PIEZO2: variants seen among roughly 807,000 people sequenced by gnomAD.
The protein encoded by PIEZO2 is piezo type mechanosensitive ion channel component 2, also known as piezo-type mechanosensitive ion channel component 2.
Under a neutral mutation model 337.3 loss-of-function variants are expected in PIEZO2, and 172 were observed. The observed-to-expected ratio is 0.51, with a 90% CI of 0.45 to 0.58. The LOEUF is 0.58. Ranked by LOEUF, PIEZO2 falls within the 20% of genes least tolerant of loss-of-function variation. PIEZO2 has a pLI of 0.00. For synonymous variants in PIEZO2, 1,251 were observed against 1,228.5 expected (o/e 1.02, Z -0.38); for missense variants, 3,028 against 3,391.3 (o/e 0.89, Z 2.66).
At chr18:10,869,521 A>G (rs2144777723) in intron 5 of PIEZO2, among the ~76,000 whole-genome samples, 1 of 152,310 alleles carries the variant, frequency 6.6e-6, no homozygotes, top group Admixed American at 6.5e-5. Context: ...AATAACAAAT[A>G]CCCAGTCTGA....
chr18:10,857,694 C>T (rs1299253962), intron 5 of PIEZO2, among the ~76,000 whole-genome samples: 1 of 152,132 alleles, frequency 6.6e-6, no homozygotes, highest in Non-Finnish European at 1.5e-5. Flanking sequence ...TATTTCCTGA[C>T]TGTGGAAGGA....
chr18:10,995,708 G>A (rs1182969764), intron 2 of PIEZO2, among the ~76,000 whole-genome samples: 3 of 152,166 alleles, frequency 2.0e-5, no homozygotes, highest in South Asian at 4.1e-4. Flanking sequence ...GCTGTACCAC[G>A]AAAAACCACA....
intron 3 of PIEZO2, among the ~76,000 whole-genome samples, chr18:10,958,200 T>C (rs2033622270): frequency 6.6e-6 from 1 of 152,108 alleles, no homozygotes; most frequent in African/African-American, 2.4e-5. Flanking sequence ...ATACAGTCTT[T>C]AAAAAGAGAA....
Position 10,718,182 on chromosome 18 carries a change from T to G in PIEZO2, c.5089+18A>C. The G allele has an allele frequency of 6.5e-7, 1 of 1,530,808 alleles. No individual in the cohort carries two copies. The highest frequency in any genetic ancestry group is 8.8e-7 in the Non-Finnish European group (1 of 1,141,036). The allele number at this position is 1,530,808 out of a possible 1,614,324, so 94.8% of individuals were successfully genotyped here. ...TTTTCAAAGTTCCCACAGCTCATATTTGTCTTTATTTTGTTACCTGGTCCA... is the reference window on the plus strand; with the variant it reads ...TTTTCAAAGTTCCCACAGCTCATATGTGTCTTTATTTTGTTACCTGGTCCA... On this transcript the variant is annotated intron_variant, in intron 37 of 55. Transcript: ENST00000674853.
chr18:10,776,644 T>C (rs2038798251), intron 18 of PIEZO2, among the ~76,000 whole-genome samples: 1 of 152,248 alleles, frequency 6.6e-6, no homozygotes, highest in Non-Finnish European at 1.5e-5. Context: ...TTCTGTTTAC[T>C]GGGCTTTCTG....
At chr18:11,140,854 T>C (rs1488805739) in intron 1 of PIEZO2, among the ~76,000 whole-genome samples, 4 of 152,198 alleles carry the variant, frequency 2.6e-5, no homozygotes, top group African/African-American at 9.6e-5. Flanking sequence ...GCTAACTGGA[T>C]GTGAGCAGAA....
intron 5 of PIEZO2, among the ~76,000 whole-genome samples, chr18:10,869,682 C>T (rs1385477932): frequency 6.6e-6 from 1 of 152,108 alleles, no homozygotes; most frequent in Non-Finnish European, 1.5e-5. Flanking sequence ...GAAGAAGAAG[C>T]ACTCTTCCGT....
intron 2 of PIEZO2, among the ~76,000 whole-genome samples, chr18:10,992,561 G>T (rs927976572): frequency 6.6e-6 from 1 of 152,106 alleles, no homozygotes; most frequent in Non-Finnish European, 1.5e-5. Flanking sequence ...GATTTCTGAG[G>T]CCTCTGTCCT....
At chr18:11,044,774 G>C (rs1012213464) in intron 2 of PIEZO2, among the ~76,000 whole-genome samples, 9 of 152,166 alleles carry the variant, frequency 5.9e-5, no homozygotes, top group African/African-American at 2.2e-4. Context: ...GAAATACAAG[G>C]TTAGGTTCCT....
intron 1 of PIEZO2, among the ~76,000 whole-genome samples, chr18:11,086,493 T>TGC (rs2038919171): frequency 6.9e-6 from 1 of 145,804 alleles, no homozygotes; most frequent in African/African-American, 2.6e-5. Flanking sequence ...CACTCCAGCC[T>TGC]GGGCAACAGA....
chr18:10,790,542 T>A (rs1381702287), intron 14 of PIEZO2, among the ~76,000 whole-genome samples: 1 of 152,188 alleles, frequency 6.6e-6, no homozygotes, highest in Non-Finnish European at 1.5e-5. Flanking sequence ...CATTGTGGTA[T>A]ACTATTGTTA....
At position 11,080,784 on chromosome 18, in the gene PIEZO2, C is replaced by A. The variant is rs913651657; in HGVS notation, c.65-14562G>T. On this transcript the variant is annotated intron_variant, in intron 1 of 55. Coordinates refer to ENST00000674853, the MANE Select transcript of PIEZO2 (RefSeq NM_001378183.1). This position sits in a 1 kb window ranked among gnomAD's most constrained non-coding sequence, Gnocchi z 5.4. ...GCTTGAACTCGGGAGGCGGAGGTCA[C>A]GGTGAGCCAAGATGGTGCCACTGCA... Among the ~76,000 whole-genome samples, 1 of 152,120 alleles carries A rather than the reference C, an allele frequency of 6.6e-6. No homozygotes were observed. The highest frequency in any genetic ancestry group is 2.1e-4 in the South Asian group (1 of 4,814).
At chr18:10,777,437 A>G (rs1440462223) in intron 18 of PIEZO2, among the ~76,000 whole-genome samples, 9 of 152,144 alleles carry the variant, frequency 5.9e-5, no homozygotes, top group Non-Finnish European at 1.2e-4. Flanking sequence ...TGCTCTACTC[A>G]TCACCCTTAC....
chr18:10,868,468 T>G (rs1479145398), intron 5 of PIEZO2, among the ~76,000 whole-genome samples: 2 of 152,210 alleles, frequency 1.3e-5, no homozygotes, highest in Non-Finnish European at 2.9e-5. Flanking sequence ...CACCACCCTG[T>G]TCCTCCTGGG....
chr18:10,809,403 T>C (rs2040112519), intron 7 of PIEZO2, among the ~76,000 whole-genome samples: 1 of 151,126 alleles, frequency 6.6e-6, no homozygotes, highest in Admixed American at 6.6e-5. Flanking sequence ...CTCAAGTAGC[T>C]GGAACCACAG....
chr18:11,118,259 C>G (rs1322014115), intron 1 of PIEZO2, among the ~76,000 whole-genome samples: 1 of 152,208 alleles, frequency 6.6e-6, no homozygotes, highest in Non-Finnish European at 1.5e-5. Flanking sequence ...CCTTGACTTC[C>G]ACACAATCTG....
At chr18:10,896,177 T>C (rs1201351176) in intron 4 of PIEZO2, among the ~76,000 whole-genome samples, 9 of 151,970 alleles carry the variant, frequency 5.9e-5, no homozygotes, top group African/African-American at 1.4e-4. Flanking sequence ...GAGCAAACAC[T>C]AACCCTTCAG....
chr18:10,693,912 C>G (rs150739512), intron 47 of PIEZO2, among the ~76,000 whole-genome samples: 141 of 151,928 alleles, frequency 9.3e-4, no homozygotes, highest in African/African-American at 3.3e-3. Flanking sequence ...TTTTAAATAC[C>G]TACAAACAAT....
Position 11,038,567 on chromosome 18 carries a change from G to T in PIEZO2, c.160+27560C>A, listed in dbSNP as rs750132903. Among the ~76,000 whole-genome samples the T allele has an allele frequency of 3.3e-5, 5 of 152,132 alleles. No individual in the cohort carries two copies. The East Asian group carries it at 9.7e-4, about 29-fold the overall frequency. ...GCAAACCCCTGGATGAAGACTGAATGTATCTATGACCTGTGAACACCCCAC... is the reference window on the plus strand; with the variant it reads ...GCAAACCCCTGGATGAAGACTGAATTTATCTATGACCTGTGAACACCCCAC... On this transcript the variant is annotated intron_variant, in intron 2 of 55. Transcript: ENST00000674853. This position sits in a 1 kb window ranked among gnomAD's most constrained non-coding sequence, Gnocchi z 4.1.
Sources: allele counts gnomAD v4.1 joint callset (sites outside exome capture counted in the v4.1 genomes callset), GRCh38; gene constraint gnomAD v4.1.1; non-coding constraint Gnocchi (gnomAD v3.1); transcripts MANE v1.5; gene names NCBI Gene and HGNC (gene_info 2026-07-23, HGNC 2026-07-21).